Variants in AMPH observed in about 807,000 individuals in gnomAD.
AMPH encodes amphiphysin (Stiff-Mann syndrome with breast cancer 128kD autoantigen).
AMPH carries 49 observed loss-of-function variants against 99.1 expected under a neutral mutation model. That is an observed-to-expected ratio of 0.49 (90% confidence interval 0.39 to 0.63). AMPH has a LOEUF of 0.63. Ranked by LOEUF, AMPH falls within the 20% of genes least tolerant of loss-of-function variation. The probability of loss-of-function intolerance (pLI) is 0.00; values close to 1 mark genes in which losing one functional copy is unlikely to be tolerated. For synonymous variants in AMPH, 314 were observed against 317.3 expected (o/e 0.99, Z 0.11); for missense variants, 759 against 863.4 (o/e 0.88, Z 1.52).
intron 1 of AMPH, among the ~76,000 whole-genome samples, chr7:38,627,592 T>A (rs1261450218): frequency 6.8e-6 from 1 of 148,024 alleles, no homozygotes; most frequent in Non-Finnish European, 1.5e-5. Context: ...GAGGTGGAGC[T>A]TGCAGTGAGC....
chr7:38,523,725 C>T (rs1331169999), intron 2 of AMPH, among the ~76,000 whole-genome samples: 1 of 152,010 alleles, frequency 6.6e-6, no homozygotes, highest in Non-Finnish European at 1.5e-5. Flanking sequence ...AAAAATTTTA[C>T]CACTGAGTAG....
At chr7:38,524,598 G>C (rs962010080) in intron 2 of AMPH, among the ~76,000 whole-genome samples, 1 of 150,694 alleles carries the variant, frequency 6.6e-6, no homozygotes, top group Non-Finnish European at 1.5e-5. Context: ...ATGGATGGAT[G>C]AATAGATGGT....
chr7:38,520,384 G>C (rs1789912286), intron 2 of AMPH, among the ~76,000 whole-genome samples: 1 of 152,140 alleles, frequency 6.6e-6, no homozygotes, highest in Non-Finnish European at 1.5e-5. Flanking sequence ...TAAAAAGAGG[G>C]CTTTGATATT....
At chr7:38,519,264 C>T (rs1186500748) in intron 2 of AMPH, among the ~76,000 whole-genome samples, 1 of 152,190 alleles carries the variant, frequency 6.6e-6, no homozygotes, top group Non-Finnish European at 1.5e-5. Context: ...ACTAAGACAG[C>T]ATCTCTAGGT....
chr7:38,457,222 G>A (rs1787268950), intron 11 of AMPH, among the ~76,000 whole-genome samples: 1 of 152,102 alleles, frequency 6.6e-6, no homozygotes, highest in Non-Finnish European at 1.5e-5. Flanking sequence ...AAGGAAATAT[G>A]ACACTTCCAA....
intron 2 of AMPH, among the ~76,000 whole-genome samples, chr7:38,510,141 C>G (rs1361906375): frequency 6.6e-6 from 1 of 152,128 alleles, no homozygotes; most frequent in Non-Finnish European, 1.5e-5. Context: ...GCTGAAAGTC[C>G]AAGATCAAGG....
chr7:38,610,267 A>G (rs1220961712), intron 1 of AMPH, among the ~76,000 whole-genome samples: 2 of 28,848 alleles, frequency 6.9e-5, no homozygotes, highest in African/African-American at 5.8e-4. Flanking sequence ...AAAAAAAGAA[A>G]GAAAGAAAGA....
At chr7:38,483,794 A>C (rs1788383295) in intron 5 of AMPH, among the ~76,000 whole-genome samples, 1 of 152,208 alleles carries the variant, frequency 6.6e-6, no homozygotes, top group South Asian at 2.1e-4. Context: ...AAGAAACAAA[A>C]TAAATTTACA....
At chr7:38,429,984 G>T in intron 13 of AMPH, 119 bp from the exon 14 acceptor site, 2 of 965,110 alleles carry the variant, frequency 2.1e-6, no homozygotes, top group South Asian at 2.1e-5. Flanking sequence ...ACTGGTTTAG[G>T]AACAAATTTT....
chr7:38,410,426 G>A (rs1785180628), intron 17 of AMPH, among the ~76,000 whole-genome samples: 2 of 152,194 alleles, frequency 1.3e-5, no homozygotes, highest in African/African-American at 2.4e-5. Flanking sequence ...AGTCACACTT[G>A]GAAGGCCTGA....
chr7:38,442,789 A>AC (rs1491575383), intron 11 of AMPH, among the ~76,000 whole-genome samples: 3 of 92,396 alleles, frequency 3.2e-5, no homozygotes, highest in African/African-American at 1.6e-4. Context: ...CCCTGAATAT[A>AC]AAAAAAAAAC....
At chr7:38,419,387 T>A (rs905108819) in intron 16 of AMPH, among the ~76,000 whole-genome samples, 2 of 74,702 alleles carry the variant, frequency 2.7e-5, no homozygotes, top group Non-Finnish European at 5.7e-5. Flanking sequence ...CGACTATTCT[T>A]TTCAAAAGGA....
At chr7:38,538,290 C>A (rs758554010) in intron 1 of AMPH, among the ~76,000 whole-genome samples, 4 of 152,138 alleles carry the variant, frequency 2.6e-5, no homozygotes, top group Non-Finnish European at 5.9e-5. Flanking sequence ...ATGCAAATCA[C>A]AATGAACAGT....
chr7:38,512,736 A>G (rs1376337755), intron 2 of AMPH, among the ~76,000 whole-genome samples: 3 of 152,346 alleles, frequency 2.0e-5, no homozygotes, highest in Non-Finnish European at 2.9e-5. Flanking sequence ...TGACTGGGTC[A>G]ATTTTTAGTT....
At chr7:38,455,180 C>T (rs1281700574) in intron 11 of AMPH, among the ~76,000 whole-genome samples, 1 of 152,084 alleles carries the variant, frequency 6.6e-6, no homozygotes, top group Admixed American at 6.5e-5. Context: ...CCCACCTCCT[C>T]CTGCCTCAGC....
At chr7:38,603,778 T>C (rs75488235) in intron 1 of AMPH, among the ~76,000 whole-genome samples, 8,356 of 152,246 alleles carry the variant, frequency 0.055, 295 homozygotes, top group Admixed American at 0.086. Context: ...TGGTCATTTA[T>C]GTGACACTTC....
chr7:38,544,856 T>C (rs567407628), intron 1 of AMPH, among the ~76,000 whole-genome samples: 94 of 152,340 alleles, frequency 6.2e-4, no homozygotes, highest in African/African-American at 2.1e-3. Flanking sequence ...CACTTTAAGT[T>C]GCAATATCAA....
intron 3 of AMPH, among the ~76,000 whole-genome samples, chr7:38,502,643 C>A (rs1480208614): frequency 6.6e-6 from 1 of 152,158 alleles, no homozygotes; most frequent in Non-Finnish European, 1.5e-5. Flanking sequence ...AGTTCTCCTG[C>A]CCAGCCTGCC....
At chr7:38,436,427 T>A in intron 11 of AMPH, 39 bp from the exon 12 acceptor site, 1 of 1,457,120 alleles carries the variant, frequency 6.9e-7, no homozygotes, top group Non-Finnish European at 9.6e-7. Flanking sequence ...AAACATGTAT[T>A]AGCTTGAATC....
Sources: allele counts gnomAD v4.1 joint callset (sites outside exome capture counted in the v4.1 genomes callset), GRCh38; gene constraint gnomAD v4.1.1; transcripts MANE v1.5; gene names NCBI Gene and HGNC (gene_info 2026-07-23, HGNC 2026-07-21).